COL4A1: variants seen among roughly 807,000 people sequenced by gnomAD.
COL4A1 encodes the protein collagen type IV alpha 1 chain.
Under a neutral mutation model 216.6 loss-of-function variants are expected in COL4A1, and 40 were observed. The observed-to-expected ratio is 0.18, with a 90% confidence interval of 0.14 to 0.24. The LOEUF (loss-of-function observed/expected upper bound fraction) is 0.24, where lower values mean the gene tolerates loss of function less well. COL4A1 is among the 10% of genes least tolerant of loss of function. COL4A1 has a pLI of 1.00. For missense variants in COL4A1, 1,628 were observed against 2,196.8 expected (o/e 0.74, Z 5.18); for synonymous variants, 839 against 810.7 (o/e 1.03, Z -0.59).
At chr13:110,210,276 A>T (rs933671150) in intron 8 of COL4A1, 64 bp from the exon 9 acceptor site, 2 of 1,494,718 alleles carry the variant, frequency 1.3e-6, no homozygotes, top group Non-Finnish European at 1.9e-6. Context: ...GAAGCTGAAA[A>T]CTCTTTGATA....
Position 110,206,857 on chromosome 13 carries a change from G to A in COL4A1, c.807+8C>T. The A allele has an allele frequency of 6.2e-7, 1 of 1,613,810 alleles. No homozygotes were observed. Among genetic ancestry groups the A allele is most frequent in the Non-Finnish European group, 8.5e-7 (1 of 1,179,970 alleles). On this transcript the variant is annotated splice_region_variant and intron_variant, in intron 14 of 51. Transcript: ENST00000375820. ...CCTAAAAATGATAGGCAGAAACTGA[G>A]TACTGACCTGAAATCCAGGTTCACC... is the stretch of plus-strand genomic sequence containing the variant.
chr13:110,191,706 T>C (rs1169663243), intron 24 of COL4A1: 2 of 664,550 alleles, frequency 3.0e-6, no homozygotes, highest in Non-Finnish European at 5.4e-6. Flanking sequence ...AATAAAAACA[T>C]ATTTCTAATC....
At chr13:110,208,770 C>T (rs886480560) in intron 12 of COL4A1, 79 bp downstream of exon 12, 4 of 1,320,128 alleles carry the variant, frequency 3.0e-6, no homozygotes, top group African/African-American at 2.9e-5. Context: ...AGAGTCCAGA[C>T]ATTGATCCAA....
intron 40 of COL4A1, among the ~76,000 whole-genome samples, chr13:110,173,003 C>A (rs76348017): frequency 2.0e-5 from 3 of 152,180 alleles, no homozygotes; most frequent in African/African-American, 7.2e-5. Context: ...AGAACCACCA[C>A]GGCATTTAGC....
At chr13:110,225,344 G>A (rs1374589472) in intron 2 of COL4A1, among the ~76,000 whole-genome samples, 1 of 152,244 alleles carries the variant, frequency 6.6e-6, no homozygotes, top group African/African-American at 2.4e-5. Context: ...AGCACTTTGG[G>A]AGGCCAAGGC....
intron 10 of COL4A1, 171 bp downstream of exon 10, chr13:110,209,809 G>C: frequency 1.2e-6 from 1 of 828,890 alleles, no homozygotes; most frequent in South Asian, 1.3e-5. Context: ...TGGGTATATG[G>C]GTACCGGGAT....
intron 49 of COL4A1, among the ~76,000 whole-genome samples, chr13:110,155,767 C>G (rs1345864532): frequency 6.6e-6 from 1 of 152,150 alleles, no homozygotes; most frequent in African/African-American, 2.4e-5. Flanking sequence ...AAAAAATTAG[C>G]TGGGTGTGGT....
chr13:110,177,815 A>G, intron 33 of COL4A1, 27 bp downstream of exon 33: 2 of 1,610,526 alleles, frequency 1.2e-6, no homozygotes. Flanking sequence ...ACACAAAATG[A>G]GCTTCTAGGG....
At chr13:110,297,686 A>G (rs1594126220) in intron 1 of COL4A1, among the ~76,000 whole-genome samples, 1 of 152,218 alleles carries the variant, frequency 6.6e-6, no homozygotes, top group Admixed American at 6.5e-5. Context: ...TAAATTTTCA[A>G]CGTAACATCT....
intron 1 of COL4A1, chr13:110,298,604 C>A (rs1022196285): frequency 1.3e-5 from 2 of 152,234 alleles, no homozygotes; most frequent in African/African-American, 2.4e-5. Context: ...AAACCACTAA[C>A]CTTCAACCGT....
intron 1 of COL4A1, among the ~76,000 whole-genome samples, chr13:110,262,180 G>A (rs966450849): frequency 3.3e-5 from 5 of 152,084 alleles, no homozygotes; most frequent in Non-Finnish European, 5.9e-5. Flanking sequence ...AACGGTCACC[G>A]CACCCCGAGA....
chr13:110,235,756 G>A (rs1881291713), intron 2 of COL4A1, among the ~76,000 whole-genome samples: 1 of 151,670 alleles, frequency 6.6e-6, no homozygotes, highest in African/African-American at 2.4e-5. Flanking sequence ...ATTCTACACA[G>A]ATACTAGGAA....
chr13:110,279,936 G>A lies in COL4A1; in HGVS notation c.84+27008C>T, dbSNP rs928227121. ...GGTCTGCCAGACACCTCCAGAGAGC[G>A]TCCACGTTGCACCTGCTTTAGGTCC... On this transcript the variant is annotated intron_variant, in intron 1 of 51. Coordinates refer to ENST00000375820, the MANE Select transcript of COL4A1 (RefSeq NM_001845.6). Among the ~76,000 whole-genome samples, 9 of 152,176 alleles carry A rather than the reference G, an allele frequency of 5.9e-5. No homozygotes were observed. The South Asian group carries it at 8.3e-4, about 14-fold the overall frequency.
chr13:110,172,872 T>G (rs1877709609), intron 40 of COL4A1, 102 bp from the exon 41 acceptor site: 3 of 930,898 alleles, frequency 3.2e-6, no homozygotes, highest in Non-Finnish European at 5.4e-6. Context: ...CTACGTATAT[T>G]GTGGAGTACA....
rs534578814 is a variant in COL4A1 at position 110,217,619 on chromosome 13, C to T, written c.145-3604G>A. ...TGAAAAATACTACACAGAAAGTTTTCGTGCAGCTGAACCTTGTGCTCTCAT... is the reference window on the plus strand; with the variant it reads ...TGAAAAATACTACACAGAAAGTTTTTGTGCAGCTGAACCTTGTGCTCTCAT... On this transcript the variant is annotated intron_variant, in intron 2 of 51. Transcript: ENST00000375820. 6.6e-5 allele frequency among the ~76,000 whole-genome samples: 10 copies of T among 152,298 alleles called. No homozygotes were observed. In the East Asian group the frequency reaches 1.5e-3, roughly 23 times the overall value.
chr13:110,303,881 A>C (rs564572035), intron 1 of COL4A1, among the ~76,000 whole-genome samples: 40 of 152,372 alleles, frequency 2.6e-4, no homozygotes, highest in Non-Finnish European at 3.1e-4. Flanking sequence ...GGAATGAAGG[A>C]AGGCACAAAC....
chr13:110,159,014 A>G (rs1212172563), intron 49 of COL4A1, among the ~76,000 whole-genome samples: 1 of 152,234 alleles, frequency 6.6e-6, no homozygotes, highest in African/African-American at 2.4e-5. Context: ...AAGTGCTGGG[A>G]TTACAGGCGT....
intron 18 of COL4A1, among the ~76,000 whole-genome samples, chr13:110,202,809 A>G (rs1879308931): frequency 6.6e-6 from 1 of 152,256 alleles, no homozygotes; most frequent in South Asian, 2.1e-4. Flanking sequence ...TATGTTGACC[A>G]GTAGTAAAAT....
chr13:110,204,723 G>A (rs1262076343), intron 17 of COL4A1, among the ~76,000 whole-genome samples: 1 of 150,448 alleles, frequency 6.6e-6, no homozygotes, highest in Non-Finnish European at 1.5e-5. Flanking sequence ...GGGCAATTTG[G>A]TTGCATGTGG....
Sources: gnomAD v4.1 joint callset for allele counts (sites outside exome capture counted in the v4.1 genomes callset) on GRCh38, gnomAD v4.1.1 for gene constraint, MANE v1.5 for transcripts, NCBI Gene and HGNC (gene_info 2026-07-23, HGNC 2026-07-21) for gene names.